KIAA1671: variants seen among roughly 807,000 people sequenced by gnomAD.
KIAA1671 encodes uncharacterized protein KIAA1671.
A neutral mutation model predicts 131.2 loss-of-function variants in KIAA1671; 52 were observed. The ratio of observed to expected loss-of-function variants is 0.40; its 90% CI spans 0.32 to 0.50. The LOEUF is 0.50. Among genes scored for constraint, KIAA1671 ranks in the 20% least tolerant of loss-of-function variants. KIAA1671 has a pLI of 0.73. For missense variants in KIAA1671, 2,360 were observed against 2,364.2 expected (o/e 1.00, Z 0.04); for synonymous variants, 1,003 against 961.6 (o/e 1.04, Z -0.80).
intron 1 of KIAA1671, among the ~76,000 whole-genome samples, chr22:24,979,798 C>T: frequency 6.6e-6 from 1 of 152,150 alleles, no homozygotes; most frequent in East Asian, 1.9e-4. Flanking sequence ...TGCCGCCTCC[C>T]CACAACCCCT....
At chr22:25,139,517 G>C (rs960855521) in intron 6 of KIAA1671, among the ~76,000 whole-genome samples, 1 of 152,252 alleles carries the variant, frequency 6.6e-6, no homozygotes, top group African/African-American at 2.4e-5. Flanking sequence ...GATGTGGTAA[G>C]GCTTTAATGA....
At chr22:25,079,421 A>G (rs763552192) in intron 6 of KIAA1671, among the ~76,000 whole-genome samples, 4 of 152,062 alleles carry the variant, frequency 2.6e-5, no homozygotes, top group African/African-American at 4.8e-5. Flanking sequence ...GCAATCAACA[A>G]TGGGTATGTG....
intron 6 of KIAA1671, chr22:25,062,651 G>C (rs1470205761): frequency 6.6e-6 from 1 of 152,516 alleles, no homozygotes; most frequent in Non-Finnish European, 1.5e-5. Context: ...TTTCGACTGG[G>C]CTGCTGCTTC....
At position 25,028,466 on chromosome 22, in the gene KIAA1671, TG is replaced by T. The variant is rs1926083375; in HGVS notation, c.471del (p.Lys158ArgfsTer12). 6.5e-7 allele frequency: 1 copy of T among 1,550,166 alleles called. No individual in the cohort carries two copies. The highest frequency in any genetic ancestry group is 1.4e-5 in the African/African-American group (1 of 73,060). On this transcript the variant is annotated frameshift_variant, in exon 3 of 13. Transcript: ENST00000358431. LOFTEE classifies it high-confidence loss of function. ...LFETTKSGPA[L>X]GKAVSEGAEE... The stretch of plus-strand genomic sequence containing the variant: ...GAAACCACCAAAAGCGGCCCCGCTC[TG>T]GGGAAGGCGGTTAGTGAGGGGGCGG...
chr22:24,966,358 C>G lies in KIAA1671; in HGVS notation c.-208+13586C>G, dbSNP rs1467046187. On this transcript the variant is annotated intron_variant, in intron 1 of 12. Coordinates refer to ENST00000358431, the MANE Select transcript of KIAA1671 (RefSeq NM_001145206.2). ...AGCCCAGCGGGTGCATTGGGTGCAC[C>G]GAGGTCACTGTACACTCACACCACC... is the stretch of plus-strand genomic sequence containing the variant. Among the ~76,000 whole-genome samples, 5 of 152,148 alleles carry G rather than the reference C, an allele frequency of 3.3e-5. No homozygotes were observed. The East Asian group carries it at 9.6e-4, about 29-fold the overall frequency.
intron 6 of KIAA1671, among the ~76,000 whole-genome samples, chr22:25,076,581 A>G (rs553501770): frequency 5.3e-5 from 8 of 152,300 alleles, no homozygotes; most frequent in African/African-American, 1.9e-4. Context: ...TTTCTCTTTC[A>G]AACTATTAGT....
chr22:25,055,825 T>C (rs199639772), intron 6 of KIAA1671: 3 of 141,642 alleles, frequency 2.1e-5, no homozygotes, highest in African/African-American at 7.8e-5. Context: ...GATATAGATA[T>C]AGATAGATAT....
intron 1 of KIAA1671, among the ~76,000 whole-genome samples, chr22:24,995,909 A>T (rs770437405): frequency 5.9e-5 from 9 of 152,212 alleles, no homozygotes; most frequent in Non-Finnish European, 1.0e-4. Flanking sequence ...CCCTGTTCTG[A>T]ACAGTTGTAC....
intron 6 of KIAA1671, among the ~76,000 whole-genome samples, chr22:25,113,919 C>G (rs763344013): frequency 1.8e-4 from 27 of 152,222 alleles, no homozygotes; most frequent in Non-Finnish European, 3.5e-4. Flanking sequence ...TTCTCTGTCA[C>G]TCCTGTTCTC....
chr22:25,113,130 G>A (rs558783387), intron 6 of KIAA1671, among the ~76,000 whole-genome samples: 31 of 152,308 alleles, frequency 2.0e-4, no homozygotes, highest in African/African-American at 6.5e-4. Context: ...AGAAACAATC[G>A]TAAGGTCCTT....
rs1215670210 is a variant in KIAA1671 at position 24,952,932 on chromosome 22, C to G, written c.-208+160C>G. ...TTGGCAAAGTTGGCCGGGGAAGAGG[C>G]GGGGAGCCGGAGGATTTCCCCAGAC... is the stretch of plus-strand genomic sequence containing the variant. On this transcript the variant is annotated intron_variant, in intron 1 of 12. Transcript: ENST00000358431. The surrounding 1 kb of genome is among the most constrained non-coding windows in gnomAD (Gnocchi z 4.5). 2.0e-5 allele frequency among the ~76,000 whole-genome samples: 3 copies of G among 152,134 alleles called. No individual in the cohort carries two copies. Among genetic ancestry groups the G allele is most frequent in the Non-Finnish European group, 4.4e-5 (3 of 68,014 alleles).
chr22:25,168,810 T>C (rs1002312478), intron 6 of KIAA1671, among the ~76,000 whole-genome samples: 15 of 152,024 alleles, frequency 9.9e-5, no homozygotes, highest in Non-Finnish European at 1.3e-4. Flanking sequence ...CAGGAGTGTG[T>C]GAGGCTTGTG....
rs1463431824 is a variant in KIAA1671 at position 25,194,811 on chromosome 22, G to A, written c.*2410G>A. On this transcript the variant is annotated 3_prime_UTR_variant, in exon 13 of 13. Coordinates refer to ENST00000358431, the MANE Select transcript of KIAA1671 (RefSeq NM_001145206.2). ...TGGGTCAAGAGCGACCCTCTTTCAC[G>A]TGGGCTCTGCCATGACCTCTGAGAC... 6.6e-6 allele frequency: 1 copy of A among 151,990 alleles called. No individual in the cohort carries two copies. The highest frequency in any genetic ancestry group is 2.4e-5 in the African/African-American group (1 of 41,390). The allele number at this position is 151,990 out of a possible 1,614,324, so 9.4% of individuals were successfully genotyped here.
intron 1 of KIAA1671, among the ~76,000 whole-genome samples, chr22:24,973,318 C>T (rs1028471539): frequency 6.6e-6 from 1 of 150,632 alleles, no homozygotes; most frequent in Non-Finnish European, 1.5e-5. Context: ...CAGGAAAGGA[C>T]AGTCCTCCCC....
chr22:25,082,173 T>C (rs890165668), intron 6 of KIAA1671, among the ~76,000 whole-genome samples: 5 of 152,170 alleles, frequency 3.3e-5, no homozygotes, highest in African/African-American at 1.2e-4. Context: ...TTGATGAGTG[T>C]GGAGCCAGGA....
At chr22:24,994,870 T>G (rs1924028056) in intron 1 of KIAA1671, among the ~76,000 whole-genome samples, 1 of 151,902 alleles carries the variant, frequency 6.6e-6, no homozygotes, top group African/African-American at 2.4e-5. Context: ...CCAGGCCTCT[T>G]TGCTTCCTTG....
At chr22:25,030,364 G>A (rs930897276) in intron 3 of KIAA1671, among the ~76,000 whole-genome samples, 2 of 152,086 alleles carry the variant, frequency 1.3e-5, no homozygotes, top group Non-Finnish European at 2.9e-5. Context: ...GTAAAACTCT[G>A]TCTCTACTAA....
At chr22:25,162,969 C>G (rs1177063737) in intron 6 of KIAA1671, among the ~76,000 whole-genome samples, 1 of 152,222 alleles carries the variant, frequency 6.6e-6, no homozygotes, top group Non-Finnish European at 1.5e-5. Context: ...TGTACATATA[C>G]TCCCATTTAT....
intron 6 of KIAA1671, among the ~76,000 whole-genome samples, chr22:25,078,547 A>G (rs1929232641): frequency 6.6e-6 from 1 of 152,088 alleles, no homozygotes; most frequent in Non-Finnish European, 1.5e-5. Context: ...GTAAAAAATA[A>G]AAATAGATGT....
Sources: gnomAD v4.1 joint callset for allele counts (sites outside exome capture counted in the v4.1 genomes callset) on GRCh38, gnomAD v4.1.1 for gene constraint, Gnocchi (gnomAD v3.1) non-coding constraint, MANE v1.5 for transcripts, NCBI Gene and HGNC (gene_info 2026-07-23, HGNC 2026-07-21) for gene names.